RAB38: variants seen among roughly 807,000 people sequenced by gnomAD.
RAB38 encodes the protein ras-related protein Rab-38.
In RAB38, 15 loss-of-function variants were observed where a neutral mutation model predicts 18.4. That is an observed-to-expected ratio of 0.82 (90% CI 0.55 to 1.26). The LOEUF is 1.26. RAB38 is among the 50% of genes most tolerant of loss of function. RAB38 has a pLI of 0.00. For synonymous variants in RAB38, 101 were observed against 104.4 expected (o/e 0.97, Z 0.20); for missense variants, 294 against 267.4 (o/e 1.10, Z -0.69).
the RAB38 span, among the ~76,000 whole-genome samples, chr11:88,007,214 T>G: frequency 6.6e-6 from 1 of 151,848 alleles, no homozygotes; most frequent in Non-Finnish European, 1.5e-5. Flanking sequence ...GATAAAAATT[T>G]GGGAGAATGT....
At chr11:88,059,786 C>A in the RAB38 span, among the ~76,000 whole-genome samples, 1 of 152,170 alleles carries the variant, frequency 6.6e-6, no homozygotes, top group Non-Finnish European at 1.5e-5. Context: ...AGATGGTCAA[C>A]ATTGGAGCCT....
chr11:87,878,222 T>TATATATATATATATATATATATATAC, the RAB38 span, among the ~76,000 whole-genome samples: 7 of 116,198 alleles, frequency 6.0e-5, no homozygotes, highest in African/African-American at 3.1e-4. Context: ...TATATATATA[T>TATATATATATATATATATATATATAC]ACACACATAT....
At chr11:87,922,698 T>A in the RAB38 span, among the ~76,000 whole-genome samples, 2 of 151,982 alleles carry the variant, frequency 1.3e-5, no homozygotes, top group South Asian at 4.1e-4. Context: ...AATGTGGTAG[T>A]TATTTATTTT....
the RAB38 span, among the ~76,000 whole-genome samples, chr11:87,892,588 C>T: frequency 6.6e-6 from 1 of 151,822 alleles, no homozygotes; most frequent in African/African-American, 2.4e-5. Context: ...CTCTAGCTGA[C>T]TAGCCCTTTT....
chr11:88,113,948 C>A lies in RAB38; in HGVS notation c.*40G>T, dbSNP rs777218763. 6 of 1,611,352 alleles carry A rather than the reference C, an allele frequency of 3.7e-6. No individual in the cohort carries two copies. The highest frequency in any genetic ancestry group is 2.7e-5 in the African/African-American group (2 of 74,870). On this transcript the variant is annotated 3_prime_UTR_variant, in exon 3 of 3. Transcript: ENST00000243662. Reference sequence around the variant, plus strand: ...AAAAATAGAGGCACAATTTGTGGAACAATGAGGTCATTCCTACCAGACACC... The same window carrying A: ...AAAAATAGAGGCACAATTTGTGGAAAAATGAGGTCATTCCTACCAGACACC...
chr11:88,051,531 C>A, the RAB38 span, among the ~76,000 whole-genome samples: 8 of 150,498 alleles, frequency 5.3e-5, no homozygotes, highest in African/African-American at 1.2e-4. Flanking sequence ...GCAGCCGGAA[C>A]CTAACAAAAA....
the RAB38 span, among the ~76,000 whole-genome samples, chr11:88,101,684 C>T: frequency 5.7e-4 from 86 of 151,684 alleles, no homozygotes; most frequent in African/African-American, 1.9e-3. Flanking sequence ...GTTATAAAGA[C>T]ACGGTTTCTG....
intron 2 of RAB38, among the ~76,000 whole-genome samples, chr11:88,145,410 G>T (rs1194437158): frequency 6.6e-6 from 1 of 152,132 alleles, no homozygotes; most frequent in African/African-American, 2.4e-5. Flanking sequence ...GCCTCCCAAA[G>T]TGCTGAGATT....
At chr11:88,070,508 C>T in the RAB38 span, among the ~76,000 whole-genome samples, 2 of 152,178 alleles carry the variant, frequency 1.3e-5, no homozygotes, top group Non-Finnish European at 2.9e-5. Flanking sequence ...TGAGTCTAAA[C>T]CATTTTCAGA....
the RAB38 span, among the ~76,000 whole-genome samples, chr11:88,033,346 G>T: frequency 5.3e-5 from 8 of 151,328 alleles, no homozygotes; most frequent in African/African-American, 1.9e-4. Context: ...CCTGCATGTT[G>T]TGTACATGTA....
At chr11:88,082,935 G>A in the RAB38 span, among the ~76,000 whole-genome samples, 1 of 151,816 alleles carries the variant, frequency 6.6e-6, no homozygotes, top group Non-Finnish European at 1.5e-5. Flanking sequence ...ATAGCCTAAA[G>A]GACCCTAGAT....
the RAB38 span, among the ~76,000 whole-genome samples, chr11:87,943,797 C>T: frequency 6.6e-6 from 1 of 152,236 alleles, no homozygotes; most frequent in African/African-American, 2.4e-5. Flanking sequence ...AAGGCATGAT[C>T]ATTTTAGAGA....
the RAB38 span, among the ~76,000 whole-genome samples, chr11:88,064,997 T>C: frequency 6.6e-6 from 1 of 152,228 alleles, no homozygotes; most frequent in African/African-American, 2.4e-5. Flanking sequence ...TCTTTGGCCT[T>C]ATGCTATGTC....
intron 1 of RAB38, among the ~76,000 whole-genome samples, chr11:88,152,869 T>C (rs1247950349): frequency 3.9e-5 from 6 of 152,236 alleles, no homozygotes; most frequent in Non-Finnish European, 8.8e-5. Context: ...GCTGGAAATA[T>C]ACAGTTTTTG....
At position 88,165,283 on chromosome 11, in the gene RAB38, G is replaced by A. The variant is rs978562865; in HGVS notation, c.202+9900C>T. 2.6e-5 allele frequency among the ~76,000 whole-genome samples: 4 copies of A among 152,050 alleles called. No individual in the cohort carries two copies. The East Asian group carries it at 5.8e-4, about 22-fold the overall frequency. On this transcript the variant is annotated intron_variant, in intron 1 of 2. Transcript: ENST00000243662. ...CTCAGTGCATATCCCAGCATGACCT[G>A]CTACTATTGGTAAGACTTCTGAAAA... is the stretch of plus-strand genomic sequence containing the variant.
the RAB38 span, among the ~76,000 whole-genome samples, chr11:88,007,935 A>G: frequency 6.6e-6 from 1 of 152,174 alleles, no homozygotes; most frequent in African/African-American, 2.4e-5. Context: ...AAATGAAACA[A>G]TATGGATGAA....
intron 2 of RAB38, among the ~76,000 whole-genome samples, chr11:88,148,804 A>T (rs1483001371): frequency 1.3e-5 from 2 of 152,222 alleles, no homozygotes; most frequent in Non-Finnish European, 2.9e-5. Flanking sequence ...ACCATGTGAA[A>T]TGCAATCCTA....
chr11:88,081,203 T>C, the RAB38 span, among the ~76,000 whole-genome samples: 1 of 151,914 alleles, frequency 6.6e-6, no homozygotes, highest in Non-Finnish European at 1.5e-5. Context: ...AAATGAAAAG[T>C]AGTATAATCA....
the RAB38 span, among the ~76,000 whole-genome samples, chr11:88,079,172 A>G: frequency 1.3e-5 from 2 of 151,912 alleles, no homozygotes; most frequent in Non-Finnish European, 2.9e-5. Context: ...AAATATCAAT[A>G]AAATAGATAA....
Sources: allele counts gnomAD v4.1 joint callset (sites outside exome capture counted in the v4.1 genomes callset), GRCh38; gene constraint gnomAD v4.1.1; transcripts MANE v1.5; gene names NCBI Gene and HGNC (gene_info 2026-07-23, HGNC 2026-07-21).